MARCHF7: variants seen among roughly 807,000 people sequenced by gnomAD.
MARCHF7 encodes the protein membrane associated ring-CH-type finger 7, also known as E3 ubiquitin-protein ligase MARCHF7.
A neutral mutation model predicts 76.5 loss-of-function variants in MARCHF7; 20 were observed. That is an observed-to-expected ratio of 0.26 (90% CI 0.18 to 0.38). The LOEUF (loss-of-function observed/expected upper bound fraction) is 0.38, where lower values mean the gene tolerates loss of function less well. Among genes scored for constraint, MARCHF7 ranks in the 10% least tolerant of loss-of-function variants. The pLI is 1.00. For missense variants in MARCHF7, 797 were observed against 812.9 expected, an observed-to-expected ratio of 0.98 and a Z score of 0.24; for synonymous variants, 295 against 293.0, an observed-to-expected ratio of 1.01 and a Z score of -0.07.
Position 159,769,008 on chromosome 2 carries a change from C to G in MARCHF7, c.*1666C>G, listed in dbSNP as rs1283015923. On this transcript the variant is annotated 3_prime_UTR_variant, in exon 12 of 12. Transcript: ENST00000409175. ...ACAGTATTCTTGTAGTTCCCTAGTACCACTTAGTATTTAAATATTGTCATA... is the reference window on the plus strand; with the variant it reads ...ACAGTATTCTTGTAGTTCCCTAGTAGCACTTAGTATTTAAATATTGTCATA... 1 of 152,084 alleles carries G rather than the reference C, an allele frequency of 6.6e-6. No individual in the cohort carries two copies. Among genetic ancestry groups the G allele is most frequent in the Non-Finnish European group, 1.5e-5 (1 of 67,998 alleles). The allele number at this position is 152,084 out of a possible 1,614,324, so 9.4% of individuals were successfully genotyped here. A position where few individuals can be genotyped will look rare whatever the true frequency, so the allele number is the denominator to read the frequency against.
chr2:159,725,621 G>C (rs1292540700), intron 3 of MARCHF7, among the ~76,000 whole-genome samples: 2 of 152,102 alleles, frequency 1.3e-5, no homozygotes, highest in African/African-American at 4.8e-5. Context: ...TTCTCCCAAT[G>C]AATGAATGTT....
rs995428219 is a variant in MARCHF7, at chr2:159,748,336, G to C, written c.1046G>C (p.Arg349Pro). 6.2e-7 allele frequency: 1 copy of C among 1,613,542 alleles called. No homozygotes were observed. The highest frequency in any genetic ancestry group is 1.7e-5 in the Admixed American group (1 of 59,970). Residue 349 changes from arginine (R) to proline (P), a missense_variant, in exon 7 of 12, where the codon CGA becomes CCA. Physicochemically the swap from Arg to Pro is moderately radical, Grantham distance 103. This residue lies in a region of MARCHF7 where 643 missense variants were observed against 631.5 expected (regional missense o/e 1.02). Transcript: ENST00000409175. ...NRASEASQGFRFLRRRWGLSS... is the reference protein window; with the variant it reads ...NRASEASQGFPFLRRRWGLSS... The stretch of plus-strand genomic sequence containing the variant: ...GCATCTGAAGCTTCTCAGGGATTTC[G>C]ATTTCTTAGGCGAAGATGGGGTTTG...
At chr2:159,735,765 T>C (rs1176570095) in intron 4 of MARCHF7, among the ~76,000 whole-genome samples, 3 of 152,246 alleles carry the variant, frequency 2.0e-5, no homozygotes, top group Admixed American at 1.3e-4. Flanking sequence ...CTGACTATTA[T>C]GAATAATGCT....
intron 8 of MARCHF7, among the ~76,000 whole-genome samples, chr2:159,755,440 G>C (rs935078490): frequency 6.6e-6 from 1 of 152,144 alleles, no homozygotes; most frequent in Non-Finnish European, 1.5e-5. Context: ...AGTCATTAAT[G>C]AATGAAGGGG....
intron 7 of MARCHF7, 68 bp from the exon 8 acceptor site, chr2:159,752,334 T>C: frequency 7.3e-7 from 1 of 1,378,510 alleles, no homozygotes; most frequent in Non-Finnish European, 9.6e-7. Flanking sequence ...AGCTTGTGAT[T>C]ATGTATGACT....
At chr2:159,736,725 A>G (rs1344454803) in intron 4 of MARCHF7, among the ~76,000 whole-genome samples, 2 of 152,226 alleles carry the variant, frequency 1.3e-5, no homozygotes, top group Admixed American at 1.3e-4. Context: ...GGTGGTATGA[A>G]TAACTATTAT....
chr2:159,734,140 A>G, intron 4 of MARCHF7: 1 of 1,170,408 alleles, frequency 8.5e-7, no homozygotes, highest in Non-Finnish European at 1.1e-6. Context: ...TATTGTTAAA[A>G]AGGGGTTATT....
At chr2:159,733,295 T>A in intron 4 of MARCHF7, 1 of 670,002 alleles carries the variant, frequency 1.5e-6, no homozygotes, top group Non-Finnish European at 1.8e-6. Context: ...TGGAGTATAG[T>A]AGCACAATCT....
chr2:159,734,069 T>C (rs199745514), intron 4 of MARCHF7: 300 of 1,364,362 alleles, frequency 2.2e-4, no homozygotes, highest in Non-Finnish European at 2.7e-4. Flanking sequence ...GATCATCTTA[T>C]GTCTTTAGTA....
At position 159,770,028 on chromosome 2, in the gene MARCHF7, CTG is replaced by C. The variant is rs1708084860; in HGVS notation, c.*2688_*2689del. 6.6e-6 allele frequency: 1 copy of C among 152,116 alleles called. No individual in the cohort carries two copies. The highest frequency in any genetic ancestry group is 1.5e-5 in the Non-Finnish European group (1 of 68,006). 9.4% of individuals were successfully genotyped at this position (152,116 alleles called of 1,614,324 possible). A position where few individuals can be genotyped will look rare whatever the true frequency, so the allele number is the denominator to read the frequency against. ...ACATTGTAGTTGTAGACGTTTGAGACTGTTGGTTTTAAGTTGGACTTAATCAC... is the reference window on the plus strand; with the variant it reads ...ACATTGTAGTTGTAGACGTTTGAGACTTGGTTTTAAGTTGGACTTAATCAC... On this transcript the variant is annotated 3_prime_UTR_variant, in exon 12 of 12. Transcript: ENST00000409175.
At chr2:159,722,732 C>T (rs1477879969) in intron 3 of MARCHF7, among the ~76,000 whole-genome samples, 1 of 152,156 alleles carries the variant, frequency 6.6e-6, no homozygotes, top group Non-Finnish European at 1.5e-5. Context: ...TGCTTTTGAC[C>T]TACAACTTAC....
rs1440407720 is a variant in MARCHF7, at chr2:159,764,622, C to G, written c.2008-4C>G. ...TACTGTATTTCTTTCTGCATTGTTT[C>G]TAGTTTATTAACCTTGCAAGAACTC... On this transcript the variant is annotated splice_region_variant and splice_polypyrimidine_tract_variant and intron_variant, in intron 10 of 11. Transcript: ENST00000409175. 1 of 1,592,098 alleles carries G rather than the reference C, an allele frequency of 6.3e-7. No homozygotes were observed. Among genetic ancestry groups the G allele is most frequent in the East Asian group, 2.3e-5 (1 of 43,516 alleles).
rs1313507060 is a variant in MARCHF7, at chr2:159,744,456, A to G, written c.346+1203A>G. Among the ~76,000 whole-genome samples, 5 of 152,336 alleles carry G rather than the reference A, an allele frequency of 3.3e-5. No individual in the cohort carries two copies. In the East Asian group the frequency reaches 9.7e-4, roughly 29 times the overall value. On this transcript the variant is annotated intron_variant, in intron 5 of 11. Coordinates refer to ENST00000409175, the MANE Select transcript of MARCHF7 (RefSeq NM_001282805.2). ...CATATTTTTCACACACGTTGAAAAG[A>G]TCTTTTGTTGAAAGGTCAGGAGGCT... is the stretch of plus-strand genomic sequence containing the variant.
At chr2:159,720,922 A>G (rs1701566351) in intron 3 of MARCHF7, among the ~76,000 whole-genome samples, 1 of 151,962 alleles carries the variant, frequency 6.6e-6, no homozygotes, top group African/African-American at 2.4e-5. Context: ...CAGTGGCATG[A>G]TCTCGGCTCT....
In MARCHF7 at chr2:159,715,731, T is replaced by C. The variant is rs1700960735; in HGVS notation, c.-50T>C. The C allele has an allele frequency of 6.6e-6, 1 of 152,176 alleles. No homozygotes were observed. Among genetic ancestry groups the C allele is most frequent in the South Asian group, 2.1e-4 (1 of 4,828 alleles). 9.4% of individuals were successfully genotyped at this position (152,176 alleles called of 1,614,324 possible). A position where few individuals can be genotyped will look rare whatever the true frequency, so the allele number is the denominator to read the frequency against. On this transcript the variant is annotated 5_prime_UTR_variant, in exon 3 of 12. Coordinates refer to ENST00000409175, the MANE Select transcript of MARCHF7 (RefSeq NM_001282805.2). ...TGGTCAGAGCTGGTTTTTCCTGCCC[T>C]CAAATATATTTCTCTGACTCTACCG...
At chr2:159,749,368 T>C (rs1705327809) in intron 7 of MARCHF7, among the ~76,000 whole-genome samples, 1 of 151,800 alleles carries the variant, frequency 6.6e-6, no homozygotes, top group African/African-American at 2.4e-5. Flanking sequence ...GTTGTTGTTG[T>C]TGAGATGGAG....
chr2:159,743,136 C>A lies in MARCHF7; in HGVS notation c.229C>A (p.Arg77Ser). The change falls in exon 5 of 12, where the codon CGC becomes AGC. Residue 77 changes from arginine to serine, a missense_variant. By Grantham distance (110) the Arg-to-Ser change is moderately radical. Around this residue, in one of 3 missense-constraint regions of MARCHF7, gnomAD observed 643 missense variants for 631.5 expected, o/e 1.02. Transcript: ENST00000409175. ...TGAATCTGAGATAACTCAGGGAGCA[C>A]GCTCAAGATCGCAGAACCAGCAACG... ...YSESEITQGA[R>S]SRSQNQQRDH... 6.2e-7 allele frequency: 1 copy of A among 1,614,128 alleles called. No homozygotes were observed. The highest frequency in any genetic ancestry group is 8.5e-7 in the Non-Finnish European group (1 of 1,180,006).
intron 8 of MARCHF7, 27 bp downstream of exon 8, chr2:159,752,598 C>T: frequency 7.0e-7 from 1 of 1,429,994 alleles, no homozygotes; most frequent in Non-Finnish European, 9.2e-7. Flanking sequence ...TGTGTTTTCA[C>T]AATTTTTCTA....
chr2:159,748,583 G>T lies in MARCHF7; in HGVS notation c.1293G>T (p.Val431=). ...SHIFRRESNE[V]VHLEAQNDPL... is the part of the protein sequence containing the mutation. The stretch of plus-strand genomic sequence containing the variant: ...TTTTTAGAAGAGAATCAAATGAAGT[G>T]GTTCACCTTGAAGCACAGAATGATC... Residue 431 remains valine, a synonymous_variant, in exon 7 of 12, where the codon GTG becomes GTT. Coordinates refer to ENST00000409175, the MANE Select transcript of MARCHF7 (RefSeq NM_001282805.2). The T allele has an allele frequency of 1.2e-6, 2 of 1,614,210 alleles. No homozygotes were observed. Among genetic ancestry groups the T allele is most frequent in the Non-Finnish European group, 1.7e-6 (2 of 1,180,036 alleles).
Sources: allele counts gnomAD v4.1 joint callset (sites outside exome capture counted in the v4.1 genomes callset), GRCh38; gene constraint gnomAD v4.1.1; regional missense constraint gnomAD v4.1.1; transcripts MANE v1.5; gene names NCBI Gene and HGNC (gene_info 2026-07-23, HGNC 2026-07-21).